Variants in PLA2G4A observed in about 807,000 individuals in gnomAD.
PLA2G4A encodes the protein cytosolic phospholipase A2.
In PLA2G4A, 40 loss-of-function variants were observed where a neutral mutation model predicts 81.9. The observed-to-expected ratio is 0.49, with a 90% CI of 0.38 to 0.64. PLA2G4A has a LOEUF of 0.64. PLA2G4A is among the 30% of genes least tolerant of loss of function. PLA2G4A has a pLI of 0.00. For missense variants in PLA2G4A, 715 were observed against 905.1 expected (o/e 0.79, Z 2.69); for synonymous variants, 302 against 296.9 (o/e 1.02, Z -0.18).
intron 1 of PLA2G4A, among the ~76,000 whole-genome samples, chr1:186,834,334 A>G (rs1651701890): frequency 6.6e-6 from 1 of 152,162 alleles, no homozygotes; most frequent in South Asian, 2.1e-4. Flanking sequence ...AGGTATGACT[A>G]TCCACATTTT....
At chr1:186,851,697 A>C in intron 1 of PLA2G4A, among the ~76,000 whole-genome samples, 1 of 151,982 alleles carries the variant, frequency 6.6e-6, no homozygotes, top group East Asian at 1.9e-4. Flanking sequence ...TTGTATTATA[A>C]ATTTAACTAT....
Position 186,940,025 on chromosome 1 carries a change from G to A in PLA2G4A, c.964G>A (p.Ala322Thr). 6.2e-7 allele frequency: 1 copy of A among 1,607,898 alleles called. No homozygotes were observed. The highest frequency in any genetic ancestry group is 8.5e-7 in the Non-Finnish European group (1 of 1,174,460). Residue 322 changes from alanine to threonine, a missense_variant, in exon 10 of 18, where the codon GCA (alanine) becomes ACA (threonine). Coordinates refer to ENST00000367466, the MANE Select transcript of PLA2G4A (RefSeq NM_024420.3). Reference protein sequence around the residue: ...LSSLKEKVNTAQCPLPLFTCL... With the variant: ...LSSLKEKVNTTQCPLPLFTCL... ...CAGTTTGAAGGAAAAAGTTAATACT[G>A]CACAATGCCCTTTACCTCTTTTCAC... is the stretch of plus-strand genomic sequence containing the variant.
chr1:186,950,356 C>T (rs1375286757), intron 12 of PLA2G4A, among the ~76,000 whole-genome samples: 2 of 152,062 alleles, frequency 1.3e-5, no homozygotes, highest in Non-Finnish European at 2.9e-5. Flanking sequence ...TAACAAGGAG[C>T]TTCCTATAAT....
intron 3 of PLA2G4A, among the ~76,000 whole-genome samples, chr1:186,876,678 G>A (rs970394151): frequency 6.6e-6 from 1 of 152,076 alleles, no homozygotes; most frequent in Non-Finnish European, 1.5e-5. Context: ...CTTCCCCAGC[G>A]ATCACGCAGC....
At chr1:186,930,561 G>T (rs72709877) in intron 7 of PLA2G4A, among the ~76,000 whole-genome samples, 32,200 of 152,052 alleles carry the variant, frequency 0.21, 3,956 homozygotes, top group Admixed American at 0.33. Context: ...CAGGCTGTTT[G>T]CTGTGTGTTG....
intron 2 of PLA2G4A, among the ~76,000 whole-genome samples, chr1:186,868,554 C>T (rs1382881218): frequency 1.2e-4 from 18 of 152,264 alleles, no homozygotes; most frequent in Admixed American, 1.2e-3. Context: ...GAAGCATTCC[C>T]TCTGCTTTTA....
At chr1:186,858,950 T>TA (rs890024712) in intron 2 of PLA2G4A, among the ~76,000 whole-genome samples, 1 of 151,818 alleles carries the variant, frequency 6.6e-6, no homozygotes, top group African/African-American at 2.4e-5. Flanking sequence ...TAAATTGTTT[T>TA]AAAAAAAATT....
intron 1 of PLA2G4A, among the ~76,000 whole-genome samples, chr1:186,845,599 A>G (rs1306465903): frequency 6.6e-6 from 1 of 152,012 alleles, no homozygotes; most frequent in East Asian, 1.9e-4. Flanking sequence ...GGGAAAGAGA[A>G]AAGAATCTTT....
At chr1:186,874,593 T>G (rs1314968982) in intron 3 of PLA2G4A, among the ~76,000 whole-genome samples, 1 of 152,074 alleles carries the variant, frequency 6.6e-6, no homozygotes, top group Non-Finnish European at 1.5e-5. Flanking sequence ...GGCCCCTTTA[T>G]TAGACACATA....
intron 8 of PLA2G4A, among the ~76,000 whole-genome samples, chr1:186,935,408 AT>A (rs10681360): frequency 0.25 from 37,353 of 147,546 alleles, 5,193 homozygotes; most frequent in Admixed American, 0.41. Flanking sequence ...AAGGGTTTTT[AT>A]TTTTTTTTTT....
intron 7 of PLA2G4A, among the ~76,000 whole-genome samples, chr1:186,919,653 T>G (rs1032687168): frequency 2.6e-5 from 4 of 152,190 alleles, no homozygotes; most frequent in Non-Finnish European, 1.5e-5. Context: ...GACACCTGAC[T>G]GCGGATCTTC....
chr1:186,895,995 T>C (rs191839697), intron 5 of PLA2G4A, among the ~76,000 whole-genome samples: 23 of 151,418 alleles, frequency 1.5e-4, no homozygotes, highest in Non-Finnish European at 1.6e-4. Flanking sequence ...TATGATAATA[T>C]ATAATATAAT....
intron 7 of PLA2G4A, among the ~76,000 whole-genome samples, chr1:186,924,102 T>C (rs1655459844): frequency 6.6e-6 from 1 of 152,196 alleles, no homozygotes; most frequent in South Asian, 2.1e-4. Flanking sequence ...CCAATATATC[T>C]ATTATTCAGA....
At chr1:186,869,003 A>AT (rs1166746171) in intron 2 of PLA2G4A, among the ~76,000 whole-genome samples, 2 of 134,796 alleles carry the variant, frequency 1.5e-5, no homozygotes, top group African/African-American at 2.8e-5. Flanking sequence ...GGTTGCATTG[A>AT]TTTTTTCTAT....
chr1:186,868,490 T>G (rs1189955419), intron 2 of PLA2G4A, among the ~76,000 whole-genome samples: 2 of 152,232 alleles, frequency 1.3e-5, no homozygotes, highest in Non-Finnish European at 2.9e-5. Flanking sequence ...TTTCTTGTAA[T>G]GACTTTGTCT....
chr1:186,928,079 A>C (rs1002048334), intron 7 of PLA2G4A, among the ~76,000 whole-genome samples: 1 of 152,046 alleles, frequency 6.6e-6, no homozygotes, highest in Non-Finnish European at 1.5e-5. Flanking sequence ...GTGGAGCTGA[A>C]TTTTTCTTAT....
intron 5 of PLA2G4A, among the ~76,000 whole-genome samples, chr1:186,905,052 G>A (rs781249758): frequency 9.2e-5 from 14 of 151,984 alleles, no homozygotes; most frequent in Non-Finnish European, 1.6e-4. Context: ...ATGGGATTTC[G>A]CCATGTTAGC....
intron 3 of PLA2G4A, among the ~76,000 whole-genome samples, chr1:186,872,322 C>T (rs12720518): frequency 1.2e-3 from 187 of 152,140 alleles, no homozygotes; most frequent in African/African-American, 4.3e-3. Flanking sequence ...TGTATTTAGA[C>T]ACTATTACCC....
intron 17 of PLA2G4A, among the ~76,000 whole-genome samples, chr1:186,982,354 A>G (rs1049414015): frequency 1.3e-5 from 2 of 152,184 alleles, no homozygotes; most frequent in African/African-American, 2.4e-5. Context: ...TTGAGCCTCC[A>G]CTTCCTCGTC....
Sources: allele counts gnomAD v4.1 joint callset (sites outside exome capture counted in the v4.1 genomes callset), GRCh38; gene constraint gnomAD v4.1.1; transcripts MANE v1.5; gene names NCBI Gene and HGNC (gene_info 2026-07-23, HGNC 2026-07-21).